Variants in RBFOX1 observed in about 807,000 individuals in gnomAD.
RBFOX1 encodes RNA binding protein fox-1 homolog 1.
In RBFOX1, 8 loss-of-function variants were observed where a neutral mutation model predicts 57.7. That is an observed-to-expected ratio of 0.14 (90% CI 0.08 to 0.25). The LOEUF (loss-of-function observed/expected upper bound fraction) is 0.25. Among genes scored for constraint, RBFOX1 ranks in the 10% least tolerant of loss-of-function variants. The pLI is 1.00. For missense variants in RBFOX1, 611 were observed against 548.5 expected (o/e 1.11, Z -1.14); for synonymous variants, 326 against 222.4 (o/e 1.47, Z -4.15).
intron 14 of RBFOX1, among the ~76,000 whole-genome samples, chr16:7,698,808 C>G (rs1342387207): frequency 6.6e-6 from 1 of 152,142 alleles, no homozygotes; most frequent in Non-Finnish European, 1.5e-5. Context: ...CATACTCCCA[C>G]TTATTGAGAA....
intron 3 of RBFOX1, among the ~76,000 whole-genome samples, chr16:6,796,095 C>A (rs374354234): frequency 6.7e-6 from 1 of 149,744 alleles, no homozygotes; most frequent in African/African-American, 2.6e-5. Flanking sequence ...TACATTTCCA[C>A]GTGGCTGGGG....
chr16:7,111,460 G>C (rs1384003234), intron 4 of RBFOX1, among the ~76,000 whole-genome samples: 5 of 152,046 alleles, frequency 3.3e-5, no homozygotes, highest in African/African-American at 9.7e-5. Context: ...TGCTTCCTTT[G>C]ATTATATTAC....
intron 4 of RBFOX1, among the ~76,000 whole-genome samples, chr16:7,428,928 G>A (rs538440067): frequency 1.6e-4 from 25 of 152,054 alleles, no homozygotes; most frequent in South Asian, 2.1e-4. Context: ...CATGTAGGTC[G>A]TAAAGTACAA....
chr16:5,602,341 G>C (rs766629083), downstream of RBFOX1, among the ~76,000 whole-genome samples: 36 of 152,222 alleles, frequency 2.4e-4, no homozygotes, highest in Non-Finnish European at 4.0e-4. Flanking sequence ...TGTGAGATGT[G>C]TTTGTATATT....
At chr16:6,559,314 C>G (rs1373532108) in intron 2 of RBFOX1, among the ~76,000 whole-genome samples, 1 of 151,986 alleles carries the variant, frequency 6.6e-6, no homozygotes, top group Non-Finnish European at 1.5e-5. Flanking sequence ...ATTTCTCTCA[C>G]ATATATTTAG....
chr16:7,110,994 T>A (rs977458024), intron 4 of RBFOX1, among the ~76,000 whole-genome samples: 1 of 152,158 alleles, frequency 6.6e-6, no homozygotes, highest in East Asian at 1.9e-4. Context: ...GAAGTCTTCA[T>A]TTGTTTGTTG....
chr16:7,316,926 G>C (rs1348380005), intron 4 of RBFOX1, among the ~76,000 whole-genome samples: 5 of 150,610 alleles, frequency 3.3e-5, no homozygotes, highest in African/African-American at 1.2e-4. Context: ...TCTTGACCTA[G>C]AGTTGGATTT....
At chr16:6,757,620 A>C (rs2076008402) in intron 3 of RBFOX1, among the ~76,000 whole-genome samples, 1 of 152,146 alleles carries the variant, frequency 6.6e-6, no homozygotes, top group African/African-American at 2.4e-5. Context: ...GATAGAGAGT[A>C]GAATGGTGGT....
intron 2 of RBFOX1, among the ~76,000 whole-genome samples, chr16:6,460,257 CCT>C (rs919184884): frequency 6.6e-6 from 1 of 151,878 alleles, no homozygotes; most frequent in African/African-American, 2.4e-5. Context: ...TGTGTTTTTC[CCT>C]GTGTGTGTGA....
intron 1 of RBFOX1, among the ~76,000 whole-genome samples, chr16:6,196,810 T>C (rs2097182857): frequency 6.6e-6 from 1 of 151,980 alleles, no homozygotes; most frequent in African/African-American, 2.4e-5. Context: ...TTTTTTTTTT[T>C]CTCCCTGTTT....
At chr16:6,878,408 A>AT (rs1272938990) in intron 3 of RBFOX1, among the ~76,000 whole-genome samples, 1 of 152,136 alleles carries the variant, frequency 6.6e-6, no homozygotes, top group African/African-American at 2.4e-5. Context: ...CAGATGATGG[A>AT]TTTTCCTTCA....
intron 4 of RBFOX1, among the ~76,000 whole-genome samples, chr16:5,976,005 G>A (rs750251740): frequency 6.6e-6 from 1 of 152,046 alleles, no homozygotes; most frequent in African/African-American, 2.4e-5. Context: ...TTAGCCGGAT[G>A]TGGTGGCGTG....
chr16:5,393,242 C>T (rs1008743308), intron 1 of RBFOX1, among the ~76,000 whole-genome samples: 3 of 152,148 alleles, frequency 2.0e-5, no homozygotes, highest in African/African-American at 4.8e-5. Context: ...GCACTGGACA[C>T]GGTGCCCTGT....
intron 1 of RBFOX1, among the ~76,000 whole-genome samples, chr16:6,159,850 C>T (rs2096865063): frequency 6.6e-6 from 1 of 151,838 alleles, no homozygotes; most frequent in Non-Finnish European, 1.5e-5. Flanking sequence ...TTCCAAAGTG[C>T]CAAGAGGAGG....
At chr16:5,854,940 CATT>C (rs1439594028) in intron 3 of RBFOX1, among the ~76,000 whole-genome samples, 1 of 152,188 alleles carries the variant, frequency 6.6e-6, no homozygotes, top group East Asian at 1.9e-4. Context: ...GGTGATACCT[CATT>C]GTGGTTTTGA....
rs762225124 is a variant in RBFOX1 at position 6,539,752 on chromosome 16, C to A, written c.-63-114851C>A. On this transcript the variant is annotated intron_variant, in intron 2 of 15. Coordinates refer to ENST00000550418, the MANE Select transcript of RBFOX1 (RefSeq NM_018723.4). Reference sequence around the variant, plus strand: ...AATGGAGGTTGCAGTGAGCTGAGATCGTGCCACTGCACTCCAGCCTAGGCG... The same window carrying A: ...AATGGAGGTTGCAGTGAGCTGAGATAGTGCCACTGCACTCCAGCCTAGGCG... 5.4e-5 allele frequency among the ~76,000 whole-genome samples: 8 copies of A among 147,606 alleles called. No individual in the cohort carries two copies. In the East Asian group the frequency reaches 1.8e-3, roughly 33 times the overall value.
intron 4 of RBFOX1, among the ~76,000 whole-genome samples, chr16:5,967,202 C>T (rs2059864118): frequency 6.6e-6 from 1 of 152,166 alleles, no homozygotes; most frequent in Non-Finnish European, 1.5e-5. Context: ...AAACATTTGC[C>T]AGTCCCAGGA....
At chr16:5,911,770 C>T (rs1346975302) in intron 4 of RBFOX1, among the ~76,000 whole-genome samples, 1 of 152,070 alleles carries the variant, frequency 6.6e-6, no homozygotes, top group Non-Finnish European at 1.5e-5. Context: ...GCCTTTGCAC[C>T]ATGTCTGCAT....
chr16:6,760,809 C>T (rs927398178), intron 3 of RBFOX1, among the ~76,000 whole-genome samples: 7 of 152,120 alleles, frequency 4.6e-5, no homozygotes, highest in Admixed American at 4.6e-4. Flanking sequence ...TCAGAGATTC[C>T]AACTAGAACC....
Sources: allele counts gnomAD v4.1 joint callset (sites outside exome capture counted in the v4.1 genomes callset), GRCh38; gene constraint gnomAD v4.1.1; transcripts MANE v1.5; gene names NCBI Gene and HGNC (gene_info 2026-07-23, HGNC 2026-07-21).